Variants in MYBPC2 observed in about 807,000 individuals in gnomAD.
The protein encoded by MYBPC2 is myosin-binding protein C, fast-type.
A neutral mutation model predicts 137.0 loss-of-function variants in MYBPC2; 122 were observed. That is an observed-to-expected ratio of 0.89 (90% CI 0.77 to 1.03). MYBPC2 has a LOEUF of 1.03. Ranked by LOEUF, MYBPC2 falls within the 50% of genes least tolerant of loss-of-function variation. The pLI, the probability that MYBPC2 is intolerant of heterozygous loss-of-function variation, is 0.00. For synonymous variants in MYBPC2, 626 were observed against 612.3 expected (o/e 1.02, Z -0.33); for missense variants, 1,500 against 1,534.4 (o/e 0.98, Z 0.37).
At chr19:50,449,439 C>T (rs1042169543) in intron 13 of MYBPC2, among the ~76,000 whole-genome samples, 1 of 152,208 alleles carries the variant, frequency 6.6e-6, no homozygotes, top group African/African-American at 2.4e-5. Context: ...CCTGAGAGAG[C>T]ATGGAAGCAA....
chr19:50,444,160 A>C (rs1248240060), intron 11 of MYBPC2, among the ~76,000 whole-genome samples: 1 of 148,538 alleles, frequency 6.7e-6, no homozygotes, highest in African/African-American at 2.5e-5. Context: ...CCATCCATCC[A>C]TCCATCCATC....
chr19:50,436,437 TG>T (rs1174631707), intron 4 of MYBPC2, among the ~76,000 whole-genome samples, 179 bp from the exon 5 acceptor site: 1 of 152,150 alleles, frequency 6.6e-6, no homozygotes, highest in Non-Finnish European at 1.5e-5. Context: ...GAAGTCCTGA[TG>T]GGTCAGATAT....
rs2039944957 is a variant in MYBPC2 at position 50,459,203 on chromosome 19, G to GTTC, written c.2692_2694dup (p.Phe898dup). ...TGCGGACCAGCGACTTCGACACCGT[G>GTTC]TTCTTCGTGCGCCAGGCGGCCCGCT... On this transcript the variant is annotated inframe_insertion, in exon 23 of 28. Transcript: ENST00000357701. The GTTC allele has an allele frequency of 6.2e-7, 1 of 1,610,492 alleles. No individual in the cohort carries two copies. The highest frequency in any genetic ancestry group is 8.5e-7 in the Non-Finnish European group (1 of 1,179,412).
Position 50,436,179 on chromosome 19 carries a change from A to G in MYBPC2, c.345+19A>G. 2 of 1,575,262 alleles carry G rather than the reference A, an allele frequency of 1.3e-6. No individual in the cohort carries two copies. The highest frequency in any genetic ancestry group is 8.6e-7 in the Non-Finnish European group (1 of 1,160,274). On this transcript the variant is annotated intron_variant, in intron 4 of 27. Transcript: ENST00000357701. ...CAGCAATGTGAGGACCCCGTGGGCC[A>G]GAGGGCTGGTGGAGGGGAGTGGAGC...
Position 50,437,491 on chromosome 19 carries a change from C to G in MYBPC2, c.482C>G (p.Ser161Cys). Residue 161 changes from serine to cysteine, a missense_variant, in exon 6 of 28, where the codon TCT (serine) becomes TGT (cysteine). Transcript: ENST00000357701. ...TCCCCAGCACCCCGTCAGGATGCCT[C>G]TGGGCAGAGTCTAGAAAGCTTCAAG... ...IDVEAPRQDA[S>C]GQSLESFKRT... The G allele has an allele frequency of 1.9e-6, 3 of 1,611,126 alleles. No individual in the cohort carries two copies. Among genetic ancestry groups the G allele is most frequent in the Non-Finnish European group, 2.5e-6 (3 of 1,178,772 alleles).
intron 1 of MYBPC2, among the ~76,000 whole-genome samples, chr19:50,434,065 A>C (rs964210004): frequency 2.7e-5 from 4 of 150,154 alleles, no homozygotes; most frequent in Non-Finnish European, 5.9e-5. Context: ...AGCAACAGCA[A>C]CAACAAAAAT....
intron 9 of MYBPC2, among the ~76,000 whole-genome samples, chr19:50,442,946 G>A (rs1349583741): frequency 2.0e-5 from 3 of 151,184 alleles, no homozygotes; most frequent in Non-Finnish European, 4.4e-5. Context: ...TCTAATTTTT[G>A]GGGTGTATTT....
intron 18 of MYBPC2, among the ~76,000 whole-genome samples, chr19:50,454,895 G>A (rs533091339): frequency 6.6e-6 from 1 of 152,136 alleles, no homozygotes; most frequent in African/African-American, 2.4e-5. Context: ...TATGGCTCCT[G>A]GCCTCCTGGT....
intron 7 of MYBPC2, among the ~76,000 whole-genome samples, chr19:50,440,434 C>T (rs771397333): frequency 3.3e-5 from 5 of 151,758 alleles, no homozygotes; most frequent in South Asian, 2.1e-4. Flanking sequence ...GAGGCTGAGG[C>T]GGGTGGATCA....
chr19:50,449,421 G>A (rs1462087576), intron 13 of MYBPC2, among the ~76,000 whole-genome samples: 2 of 152,216 alleles, frequency 1.3e-5, no homozygotes, highest in Non-Finnish European at 2.9e-5. Context: ...CGTGGCAGAG[G>A]CAGAGGTCCT....
At chr19:50,441,593 A>C (rs1178903995) in intron 8 of MYBPC2, among the ~76,000 whole-genome samples, 1 of 152,150 alleles carries the variant, frequency 6.6e-6, no homozygotes, top group Non-Finnish European at 1.5e-5. Context: ...TAATCTCAGC[A>C]CTTTGGGAGG....
rs781301512 is a variant in MYBPC2, at chr19:50,459,201, G to A, written c.2686G>A (p.Val896Met). Residue 896 changes from valine to methionine, a missense_variant, in exon 23 of 28, where the codon GTG becomes ATG. Physicochemically the swap from Val to Met is conservative, Grantham distance 21 (BLOSUM62 1). Transcript: ENST00000357701. ...VHVRTSDFDT[V>M]FFVRQAARSD... ...CGTGCGGACCAGCGACTTCGACACC[G>A]TGTTCTTCGTGCGCCAGGCGGCCCG... 3.1e-6 allele frequency: 5 copies of A among 1,609,962 alleles called. No homozygotes were observed. The highest frequency in any genetic ancestry group is 4.2e-6 in the Non-Finnish European group (5 of 1,179,226).
chr19:50,451,469 A>C (rs2039857220), intron 15 of MYBPC2, among the ~76,000 whole-genome samples, 160 bp downstream of exon 15: 2 of 22,008 alleles, frequency 9.1e-5, no homozygotes, highest in South Asian at 1.4e-3. Flanking sequence ...GTGCTGAGGA[A>C]GGGAGGGAGG....
chr19:50,436,786 G>T, intron 5 of MYBPC2, 52 bp downstream of exon 5: 2 of 1,544,332 alleles, frequency 1.3e-6, no homozygotes, highest in South Asian at 2.3e-5. Context: ...GGGTGGGGTG[G>T]ACAGATGTAC....
chr19:50,442,474 G>A (rs951475655), intron 9 of MYBPC2, among the ~76,000 whole-genome samples, 161 bp downstream of exon 9: 1 of 152,162 alleles, frequency 6.6e-6, no homozygotes, highest in African/African-American at 2.4e-5. Flanking sequence ...TAGCACTTTG[G>A]GAGGCCGAGG....
rs1463340789 is a variant in MYBPC2, at chr19:50,465,182, C to T, written c.3415+650C>T. Among the ~76,000 whole-genome samples the T allele has an allele frequency of 6.6e-6, 1 of 152,126 alleles. No individual in the cohort carries two copies. Among genetic ancestry groups the T allele is most frequent in the Admixed American group, 6.5e-5 (1 of 15,278 alleles). On this transcript the variant is annotated intron_variant, in intron 27 of 27. Transcript: ENST00000357701. The surrounding 1 kb of genome is among the most constrained non-coding windows in gnomAD (Gnocchi z 4.5). The stretch of plus-strand genomic sequence containing the variant: ...GCCCGCTGGGGACTCCCCACCGCCC[C>T]AGCGCCCCTCCGCCTGGTGTTCACG...
chr19:50,460,202 G>GGGGAAGAGCCGGTGAGGT (rs780368122), intron 24 of MYBPC2, 23 bp downstream of exon 24: 2 of 1,589,892 alleles, frequency 1.3e-6, no homozygotes, highest in South Asian at 2.3e-5. Flanking sequence ...AGGGGGAGAT[G>GGGGAAGAGCCGGTGAGGT]GGGAAGAGCC....
At chr19:50,436,796 C>A in intron 5 of MYBPC2, 62 bp downstream of exon 5, 2 of 1,497,206 alleles carry the variant, frequency 1.3e-6, no homozygotes, top group Non-Finnish European at 9.3e-7. Flanking sequence ...GACAGATGTA[C>A]CAGCCAGGTG....
At chr19:50,439,983 C>A (rs1436206856) in intron 7 of MYBPC2, among the ~76,000 whole-genome samples, 2 of 152,170 alleles carry the variant, frequency 1.3e-5, no homozygotes, top group East Asian at 3.9e-4. Flanking sequence ...ACATTTTGTG[C>A]AAAGGCTGGG....
Sources: gnomAD v4.1 joint callset for allele counts (sites outside exome capture counted in the v4.1 genomes callset) on GRCh38, gnomAD v4.1.1 for gene constraint, Gnocchi (gnomAD v3.1) non-coding constraint, MANE v1.5 for transcripts, NCBI Gene and HGNC (gene_info 2026-07-23, HGNC 2026-07-21) for gene names.